ASAP3: variants seen among roughly 807,000 people sequenced by gnomAD.
ASAP3 encodes ArfGAP with SH3 domain, ankyrin repeat and PH domain 3, also known as arf-GAP with SH3 domain, ANK repeat and PH domain-containing protein 3.
In ASAP3, 85 loss-of-function variants were observed where a neutral mutation model predicts 118.2. That is an observed-to-expected ratio of 0.72 (90% CI 0.60 to 0.86). The LOEUF is 0.86. Ranked by LOEUF, ASAP3 falls within the 40% of genes least tolerant of loss-of-function variation. The pLI is 0.00. For synonymous variants in ASAP3, 432 were observed against 477.4 expected (o/e 0.90, Z 1.24); for missense variants, 1,026 against 1,175.0 (o/e 0.87, Z 1.85).
In ASAP3 at chr1:23,439,142, C is replaced by T; in HGVS notation, c.1014+19G>A. 6.2e-7 allele frequency: 1 copy of T among 1,613,654 alleles called. No homozygotes were observed. The highest frequency in any genetic ancestry group is 8.5e-7 in the Non-Finnish European group (1 of 1,179,612). ...AGGGTCCATCGTGCCCTGAGACTCCCACCACCTCTAGGCCTCACCGTGCTG... is the reference window on the plus strand; with the variant it reads ...AGGGTCCATCGTGCCCTGAGACTCCTACCACCTCTAGGCCTCACCGTGCTG... On this transcript the variant is annotated intron_variant, in intron 11 of 24. Coordinates refer to ENST00000336689, the MANE Select transcript of ASAP3 (RefSeq NM_017707.4).
intron 1 of ASAP3, among the ~76,000 whole-genome samples, chr1:23,483,294 T>C (rs1434375035): frequency 1.3e-5 from 2 of 152,158 alleles, no homozygotes; most frequent in Non-Finnish European, 2.9e-5. Context: ...GTGTCTGTCC[T>C]AGAATATTCT....
chr1:23,436,916 A>C lies in ASAP3; in HGVS notation c.1471T>G (p.Leu491Val). The change falls in exon 15 of 25, where the codon TTG (leucine) becomes GTG (valine). Residue 491 changes from leucine (L) to valine (V), a missense_variant. By Grantham distance (32) the Leu-to-Val change is conservative. Coordinates refer to ENST00000336689, the MANE Select transcript of ASAP3 (RefSeq NM_017707.4). The surrounding 1 kb of genome is among the most constrained non-coding windows in gnomAD (Gnocchi z 4.2). The part of the protein sequence containing the change: ...LTLDLLGPSE[L>V]LLALNMGNTS... ...AGGCCCCGCCCCGCCCTCACCAACA[A>C]CTCGGAGGGGCCCAGCAGGTCCAAG... 4 of 1,608,364 alleles carry C rather than the reference A, an allele frequency of 2.5e-6. No homozygotes were observed. Among genetic ancestry groups the C allele is most frequent in the Non-Finnish European group, 3.4e-6 (4 of 1,178,446 alleles).
chr1:23,450,032 G>A lies in ASAP3; in HGVS notation c.473+1447C>T, dbSNP rs114113575. ...GGGCCTCCAGTGAGAGCAGATGGCC[G>A]TGCCCCATCACAGGCAGGGATAGGG... is the stretch of plus-strand genomic sequence containing the variant. On this transcript the variant is annotated intron_variant, in intron 5 of 24. Transcript: ENST00000336689. Among the ~76,000 whole-genome samples the A allele has an allele frequency of 3.2e-3, 492 of 152,292 alleles. 3 individuals are homozygous for A. The highest frequency in any genetic ancestry group is 0.011 in the African/African-American group (467 of 41,564).
At chr1:23,445,298 C>G (rs60436619) in intron 5 of ASAP3, among the ~76,000 whole-genome samples, 14 of 152,012 alleles carry the variant, frequency 9.2e-5, no homozygotes, top group Non-Finnish European at 1.6e-4. Context: ...GAAACCAGCT[C>G]GGGCATCATG....
At chr1:23,457,017 A>T (rs1464661393) in intron 1 of ASAP3, among the ~76,000 whole-genome samples, 1 of 151,950 alleles carries the variant, frequency 6.6e-6, no homozygotes, top group Non-Finnish European at 1.5e-5. Flanking sequence ...GATGGGAAAC[A>T]CTCCCCCTTT....
Position 23,441,420 on chromosome 1 carries a change from G to A in ASAP3, c.801C>T (p.Ser267=). The A allele has an allele frequency of 6.2e-7, 1 of 1,614,178 alleles. No homozygotes were observed. ...TCTCAAGCTGCAGTGTCCCTCGGAG[G>A]GAGTCCCGGAGCTGGGTCAGCTTCT... ...ELQKLTQLRD[S]LRGTLQLESR... Residue 267 remains serine, a synonymous_variant, in exon 9 of 25, where the codon TCC becomes TCT. Transcript: ENST00000336689.
intron 1 of ASAP3, among the ~76,000 whole-genome samples, chr1:23,460,684 T>A (rs916498241): frequency 6.6e-6 from 1 of 152,208 alleles, no homozygotes; most frequent in African/African-American, 2.4e-5. Flanking sequence ...TAACTAAACG[T>A]ACTCTTGCCA....
chr1:23,430,868 G>A (rs1018098194), intron 24 of ASAP3, among the ~76,000 whole-genome samples, 167 bp downstream of exon 24: 38 of 152,152 alleles, frequency 2.5e-4, no homozygotes, highest in East Asian at 3.9e-4. Flanking sequence ...TGGCCAAACC[G>A]TGCCCACCTG....
Position 23,441,780 on chromosome 1 carries a change from G to A in ASAP3, c.672-50C>T, listed in dbSNP as rs1339282187. 3 of 1,598,526 alleles carry A rather than the reference G, an allele frequency of 1.9e-6. No individual in the cohort carries two copies. The Admixed American group carries it at 5.0e-5, about 27-fold the overall frequency. On this transcript the variant is annotated intron_variant, in intron 7 of 24. Transcript: ENST00000336689. The stretch of plus-strand genomic sequence containing the variant: ...AGGGTCCAGATAAAGATGGAAATGA[G>A]AGATGAAGCCAGAAGTGTGGGAGAA...
intron 9 of ASAP3, 66 bp from the exon 10 acceptor site, chr1:23,441,277 G>T: frequency 6.2e-7 from 1 of 1,603,882 alleles, no homozygotes; most frequent in South Asian, 1.1e-5. Context: ...TTCTGCGGGG[G>T]CTCACTCAGG....
Position 23,484,157 on chromosome 1 carries a change from C to G in ASAP3, c.-24G>C. On this transcript the variant is annotated 5_prime_UTR_variant, in exon 1 of 25. Transcript: ENST00000336689. ...ATGGCGGGCGCGAGCGTGGAGCTGC[C>G]GGAGCGGGGCGCGGGGGGCACTGAG... 4.8e-6 allele frequency: 6 copies of G among 1,254,664 alleles called. No homozygotes were observed. Among genetic ancestry groups the G allele is most frequent in the Non-Finnish European group, 6.0e-6 (6 of 1,000,962 alleles). 77.7% of individuals were successfully genotyped at this position (1,254,664 alleles called of 1,614,324 possible). A position where few individuals can be genotyped will look rare whatever the true frequency, so the allele number is the denominator to read the frequency against.
chr1:23,454,682 A>G (rs1028769964), intron 3 of ASAP3, among the ~76,000 whole-genome samples: 2 of 152,246 alleles, frequency 1.3e-5, no homozygotes, highest in East Asian at 1.9e-4. Context: ...GCCAAGAGCT[A>G]TAACAATGAT....
chr1:23,431,723 G>C lies in ASAP3; in HGVS notation c.2519C>G (p.Ser840Trp). ...GAATCTGACGGGGAGGTACATCTCC[G>C]AAGGGGTGGTCCCGGATGTCAGGCT... ...RPSLTSGTTP[S>W]EMYLPVRFSS... Residue 840 changes from serine to tryptophan, a missense_variant, in exon 23 of 25, where the codon TCG becomes TGG. Transcript: ENST00000336689. 6.6e-7 allele frequency: 1 copy of C among 1,522,204 alleles called. No homozygotes were observed. Among genetic ancestry groups the C allele is most frequent in the Non-Finnish European group, 8.8e-7 (1 of 1,140,376 alleles). The allele number at this position is 1,522,204 out of a possible 1,614,324, so 94.3% of individuals were successfully genotyped here.
chr1:23,432,711 T>G lies in ASAP3; in HGVS notation c.2323+366A>C, dbSNP rs150505983. Reference sequence around the variant, plus strand: ...ATTCTATATCACATTGTGCCTTGTATTATAATGAATTGCATTCCAGTTTTT... The same window carrying G: ...ATTCTATATCACATTGTGCCTTGTAGTATAATGAATTGCATTCCAGTTTTT... On this transcript the variant is annotated intron_variant, in intron 22 of 24. Transcript: ENST00000336689. Among the ~76,000 whole-genome samples the G allele has an allele frequency of 5.1e-3, 774 of 152,366 alleles. 6 individuals carry two copies. The highest frequency in any genetic ancestry group is 0.011 in the Admixed American group (168 of 15,310).
chr1:23,430,193 T>C (rs1424750412), intron 24 of ASAP3, among the ~76,000 whole-genome samples: 2 of 152,166 alleles, frequency 1.3e-5, no homozygotes, highest in Non-Finnish European at 2.9e-5. Context: ...AGGGCAATAG[T>C]GGAACCAGAA....
chr1:23,484,217 G>C (rs1026148642), upstream of ASAP3: 2 of 1,195,148 alleles, frequency 1.7e-6, no homozygotes, highest in African/African-American at 3.2e-5. Context: ...CCGCCGGCCG[G>C]GGGCGCCGTC....
At chr1:23,467,675 G>A (rs1159322278) in intron 1 of ASAP3, among the ~76,000 whole-genome samples, 5 of 152,002 alleles carry the variant, frequency 3.3e-5, no homozygotes, top group Admixed American at 6.6e-5. Flanking sequence ...AAACTAGGTC[G>A]GCGTGGTGGC....
chr1:23,430,979 T>A lies in ASAP3; in HGVS notation c.2637+56A>T, dbSNP rs189210021. The stretch of plus-strand genomic sequence containing the variant: ...CCCAATACGCCTACTCTTGACTAAC[T>A]CTGCCTCCCAGGCACCCTGCCACCG... On this transcript the variant is annotated intron_variant, in intron 24 of 24. Coordinates refer to ENST00000336689, the MANE Select transcript of ASAP3 (RefSeq NM_017707.4). 223 of 1,462,290 alleles carry A rather than the reference T, an allele frequency of 1.5e-4. 2 individuals are homozygous for A. In the East Asian group the frequency reaches 3.6e-3, roughly 24 times the overall value. 90.6% of individuals were successfully genotyped at this position (1,462,290 alleles called of 1,614,324 possible).
At chr1:23,442,685 A>G (rs1270228434) in intron 5 of ASAP3, 73 bp from the exon 6 acceptor site, 1 of 1,555,136 alleles carries the variant, frequency 6.4e-7, no homozygotes, top group African/African-American at 1.4e-5. Flanking sequence ...AGGATGCATG[A>G]GCAAAGGGGC....
Sources: gnomAD v4.1 joint callset for allele counts (sites outside exome capture counted in the v4.1 genomes callset) on GRCh38, gnomAD v4.1.1 for gene constraint, Gnocchi (gnomAD v3.1) non-coding constraint, MANE v1.5 for transcripts, NCBI Gene and HGNC (gene_info 2026-07-23, HGNC 2026-07-21) for gene names.